The following ANKS1B variants were observed in gnomAD, a reference collection of about 807,000 sequenced individuals.
ANKS1B encodes ankyrin repeat and sterile alpha motif domain-containing protein 1B.
In ANKS1B, 36 loss-of-function variants were observed where a neutral mutation model predicts 148.3. That is an observed-to-expected ratio of 0.24 (90% CI 0.19 to 0.32). The LOEUF is 0.32. Among genes scored for constraint, ANKS1B ranks in the 10% least tolerant of loss-of-function variants. The pLI, the probability that ANKS1B is intolerant of heterozygous loss-of-function variation, is 1.00. For missense variants in ANKS1B, 1,157 were observed against 1,542.6 expected (o/e 0.75, Z 4.19); for synonymous variants, 542 against 560.8 (o/e 0.97, Z 0.47).
chr12:99,603,341 C>G (rs1325947216), intron 9 of ANKS1B, among the ~76,000 whole-genome samples: 1 of 152,108 alleles, frequency 6.6e-6, no homozygotes, highest in East Asian at 1.9e-4. Flanking sequence ...GAATTCCTCT[C>G]TGCTCAAGGG....
intron 1 of ANKS1B, among the ~76,000 whole-genome samples, chr12:99,944,006 AT>A (rs1157067004): frequency 6.8e-6 from 1 of 147,854 alleles, no homozygotes; most frequent in Non-Finnish European, 1.5e-5. Context: ...CCCTGTGCCC[AT>A]ATGTTCTCAT....
intron 8 of ANKS1B, among the ~76,000 whole-genome samples, chr12:99,724,119 G>A (rs1218189840): frequency 5.3e-5 from 8 of 151,946 alleles, no homozygotes; most frequent in Admixed American, 3.3e-4. Flanking sequence ...TTGCAATGCC[G>A]CTCCAGCAAG....
At chr12:99,973,601 T>C (rs1036287604) in intron 1 of ANKS1B, among the ~76,000 whole-genome samples, 2 of 152,002 alleles carry the variant, frequency 1.3e-5, no homozygotes, top group Non-Finnish European at 2.9e-5. Context: ...GATAAAACAT[T>C]TGTGGTTCAT....
chr12:99,170,852 T>C (rs1177987932), intron 14 of ANKS1B, among the ~76,000 whole-genome samples: 3 of 152,124 alleles, frequency 2.0e-5, no homozygotes, highest in Admixed American at 2.0e-4. Context: ...GAAAAAGCAA[T>C]GTGGGGCCAA....
chr12:99,968,430 C>A (rs919271738), intron 1 of ANKS1B, among the ~76,000 whole-genome samples: 1 of 151,952 alleles, frequency 6.6e-6, no homozygotes, highest in African/African-American at 2.4e-5. Flanking sequence ...TGGTGGCGGG[C>A]GCCTGTAGTC....
intron 12 of ANKS1B, among the ~76,000 whole-genome samples, chr12:99,357,593 C>T (rs147848147): frequency 6.6e-6 from 1 of 152,268 alleles, no homozygotes; most frequent in East Asian, 1.9e-4. Context: ...GTATTATACT[C>T]ATCATCTGTT....
At chr12:99,825,222 G>A (rs2083037013) in intron 2 of ANKS1B, 87 bp downstream of exon 2, 1 of 1,140,118 alleles carries the variant, frequency 8.8e-7, no homozygotes, top group Non-Finnish European at 1.3e-6. Context: ...GACTCACAGA[G>A]ACATGAGAAA....
At position 99,052,323 on chromosome 12, in the gene ANKS1B, C is replaced by T. The variant is rs116663197; in HGVS notation, c.2778+834G>A. Among the ~76,000 whole-genome samples, 1,183 of 152,228 alleles carry T rather than the reference C, an allele frequency of 7.8e-3. 18 individuals carry two copies. Among genetic ancestry groups the T allele is most frequent in the African/African-American group, 0.027 (1,115 of 41,526 alleles). ...AAGTGTATGAATAAAACAGAGACAA[C>T]GTAAGATTAGACACTAGCTTCAGAA... On this transcript the variant is annotated intron_variant, in intron 17 of 26. Coordinates refer to ENST00000683438, the MANE Select transcript of ANKS1B (RefSeq NM_001352186.2).
At chr12:99,724,288 A>G (rs375143999) in intron 8 of ANKS1B, among the ~76,000 whole-genome samples, 12 of 152,286 alleles carry the variant, frequency 7.9e-5, no homozygotes, top group Non-Finnish European at 1.5e-4. Context: ...TAACTAGAAT[A>G]ACCAGTTTAG....
intron 1 of ANKS1B, among the ~76,000 whole-genome samples, chr12:99,870,716 CTTCTT>C (rs1265377878): frequency 1.3e-5 from 2 of 152,146 alleles, no homozygotes; most frequent in African/African-American, 4.8e-5. Flanking sequence ...ACTTGAATGT[CTTCTT>C]TTGAGAATTG....
At chr12:98,839,041 T>C (rs1218554409) in intron 17 of ANKS1B, among the ~76,000 whole-genome samples, 7 of 152,234 alleles carry the variant, frequency 4.6e-5, no homozygotes, top group Admixed American at 3.9e-4. Context: ...CATTTTTCTC[T>C]CTTATTTCTT....
chr12:99,464,626 C>T (rs1222811129), intron 10 of ANKS1B, among the ~76,000 whole-genome samples: 2 of 152,022 alleles, frequency 1.3e-5, no homozygotes, highest in East Asian at 1.9e-4. Flanking sequence ...AGCCAAGGCT[C>T]GAGAACTACG....
chr12:99,366,290 T>C (rs1274454782), intron 12 of ANKS1B, among the ~76,000 whole-genome samples: 1 of 152,220 alleles, frequency 6.6e-6, no homozygotes, highest in Admixed American at 6.5e-5. Context: ...CTTGGTTTTC[T>C]TGGTTCCCGG....
chr12:98,813,952 C>A (rs2099118342), intron 19 of ANKS1B, among the ~76,000 whole-genome samples: 3 of 151,890 alleles, frequency 2.0e-5, no homozygotes, highest in Admixed American at 2.0e-4. Flanking sequence ...GTGGTCTTGG[C>A]TCACTGCAAC....
chr12:99,465,670 C>G (rs1015209936), intron 10 of ANKS1B, among the ~76,000 whole-genome samples: 1 of 152,030 alleles, frequency 6.6e-6, no homozygotes, highest in Admixed American at 6.6e-5. Context: ...AGACTTTAAA[C>G]CAACAAAGAT....
chr12:99,536,113 C>A (rs1454104094), intron 9 of ANKS1B, among the ~76,000 whole-genome samples: 1 of 152,146 alleles, frequency 6.6e-6, no homozygotes, highest in Non-Finnish European at 1.5e-5. Flanking sequence ...TTTATTTGAC[C>A]TGATACAGAA....
At chr12:99,019,474 G>A (rs968065489) in intron 17 of ANKS1B, among the ~76,000 whole-genome samples, 1 of 152,108 alleles carries the variant, frequency 6.6e-6, no homozygotes, top group African/African-American at 2.4e-5. Flanking sequence ...ATCAAAGCAA[G>A]TATTTTGAAG....
At chr12:99,068,058 A>G (rs1599360944) in intron 16 of ANKS1B, among the ~76,000 whole-genome samples, 1 of 152,236 alleles carries the variant, frequency 6.6e-6, no homozygotes, top group East Asian at 1.9e-4. Context: ...ATTTTTAGGC[A>G]CTATAGTGCA....
At chr12:99,634,516 A>G (rs954781981) in intron 9 of ANKS1B, among the ~76,000 whole-genome samples, 1 of 152,220 alleles carries the variant, frequency 6.6e-6, no homozygotes, top group African/African-American at 2.4e-5. Context: ...ATATCTATTT[A>G]ATGCATAAAA....
Sources: gnomAD v4.1 joint callset for allele counts (sites outside exome capture counted in the v4.1 genomes callset) on GRCh38, gnomAD v4.1.1 for gene constraint, MANE v1.5 for transcripts, NCBI Gene and HGNC (gene_info 2026-07-23, HGNC 2026-07-21) for gene names.